DNAJB13: variants seen among roughly 807,000 people sequenced by gnomAD.
The protein encoded by DNAJB13 is dnaJ homolog subfamily B member 13.
Under a neutral mutation model 35.6 loss-of-function variants are expected in DNAJB13, and 22 were observed. The ratio of observed to expected loss-of-function variants is 0.62; its 90% CI spans 0.44 to 0.88. DNAJB13 has a LOEUF of 0.88. DNAJB13 is among the 40% of genes least tolerant of loss of function. DNAJB13 has a pLI of 0.00. For missense variants in DNAJB13, 370 were observed against 384.3 expected (o/e 0.96, Z 0.31); for synonymous variants, 136 against 144.2 (o/e 0.94, Z 0.41).
chr11:73,966,267 G>A lies in DNAJB13; in HGVS notation c.606+16G>A, dbSNP rs750170319. On this transcript the variant is annotated intron_variant, in intron 5 of 7. Coordinates refer to ENST00000339764, the MANE Select transcript of DNAJB13 (RefSeq NM_153614.4). The stretch of plus-strand genomic sequence containing the variant: ...AGGGGACCAGGTGAGGGGGGAAGAA[G>A]CTGACTCAGGTCAGTCACTGAGCTC... The A allele has an allele frequency of 1.4e-5, 22 of 1,605,180 alleles. No individual in the cohort carries two copies. Among genetic ancestry groups the A allele is most frequent in the Non-Finnish European group, 1.4e-5 (17 of 1,175,230 alleles).
In DNAJB13 at chr11:73,965,138, G is replaced by A. The variant is rs1951072642; in HGVS notation, c.492+103G>A. The A allele has an allele frequency of 4.8e-6, 6 of 1,256,308 alleles. 2 individuals are homozygous for A. The South Asian group carries it at 9.1e-5, about 19-fold the overall frequency. 77.8% of individuals were successfully genotyped at this position (1,256,308 alleles called of 1,614,324 possible). A position where few individuals can be genotyped will look rare whatever the true frequency, so the allele number is the denominator to read the frequency against. On this transcript the variant is annotated intron_variant, in intron 4 of 7. Transcript: ENST00000339764. ...GGAGGACTCAGGGATGGTCTCTGAT[G>A]GAATTATGGAACCTTAGATTCAGAG...
At chr11:73,962,582 G>A (rs1248566491) in intron 3 of DNAJB13, among the ~76,000 whole-genome samples, 1 of 152,130 alleles carries the variant, frequency 6.6e-6, no homozygotes, top group African/African-American at 2.4e-5. Flanking sequence ...ATCTTGCAAA[G>A]GCAGTGAAAA....
At position 73,964,955 on chromosome 11, in the gene DNAJB13, C is replaced by T; in HGVS notation, c.412C>T (p.Pro138Ser). Residue 138 changes from proline (P) to serine (S), a missense_variant, in exon 4 of 8, where the codon CCC becomes TCC. By Grantham distance (74) the Pro-to-Ser change is moderately conservative. Coordinates refer to ENST00000339764, the MANE Select transcript of DNAJB13 (RefSeq NM_153614.4). ...GGGCCGAGGGGTCAAGAAGCAGGAC[C>T]CCCAAGTCGAACGGGATCTCTACCT... The part of the protein sequence containing the change: ...LQGRGVKKQD[P>S]QVERDLYLSL... 6.2e-7 allele frequency: 1 copy of T among 1,613,014 alleles called. No individual in the cohort carries two copies. Among genetic ancestry groups the T allele is most frequent in the Non-Finnish European group, 8.5e-7 (1 of 1,179,824 alleles).
chr11:73,968,274 G>A, intron 5 of DNAJB13, 71 bp from the exon 6 acceptor site: 3 of 1,305,538 alleles, frequency 2.3e-6, no homozygotes, highest in South Asian at 2.4e-5. Context: ...ATGGAGACAA[G>A]TAGAGGCAGG....
intron 3 of DNAJB13, 67 bp from the exon 4 acceptor site, chr11:73,964,811 G>GCGCGCGCGCC (rs1951044146): frequency 7.5e-7 from 1 of 1,324,834 alleles, no homozygotes; most frequent in African/African-American, 1.9e-5. Context: ...GTGTGTGTGT[G>GCGCGCGCGCC]TGCGCGCGCG....
At position 73,960,962 on chromosome 11, in the gene DNAJB13, A is replaced by G. The variant is rs190112413; in HGVS notation, c.334+1307A>G. Among the ~76,000 whole-genome samples the G allele has an allele frequency of 4.6e-5, 7 of 152,326 alleles. No homozygotes were observed. The East Asian group carries it at 9.6e-4, about 21-fold the overall frequency. On this transcript the variant is annotated intron_variant, in intron 3 of 7. Transcript: ENST00000339764. ...ACTGTTTTAGCCACGTGAAGCAGAA[A>G]GGGGTTCAAAACAGGGAATTAGGTG...
chr11:73,960,558 G>T (rs541373752), intron 3 of DNAJB13, among the ~76,000 whole-genome samples: 18 of 151,268 alleles, frequency 1.2e-4, no homozygotes, highest in African/African-American at 3.9e-4. Flanking sequence ...CTGACCTCAG[G>T]TGATCTGCCC....
chr11:73,959,746 C>CTTTATTAT, intron 3 of DNAJB13, 91 bp downstream of exon 3: 1 of 1,241,432 alleles, frequency 8.1e-7, no homozygotes, highest in Non-Finnish European at 1.1e-6. Context: ...TTTATTTTTA[C>CTTTATTAT]TTTATTATTT....
In DNAJB13 at chr11:73,969,949, A is replaced by G; in HGVS notation, c.798-12A>G. On this transcript the variant is annotated splice_polypyrimidine_tract_variant and intron_variant, in intron 7 of 7. Coordinates refer to ENST00000339764, the MANE Select transcript of DNAJB13 (RefSeq NM_153614.4). The stretch of plus-strand genomic sequence containing the variant: ...GATGCCCTCTATGCTCCTTTCTTTC[A>G]TCCTATTTCAGCCCCAAATACTTCA... The G allele has an allele frequency of 6.2e-7, 1 of 1,602,636 alleles. No individual in the cohort carries two copies. Among genetic ancestry groups the G allele is most frequent in the Non-Finnish European group, 8.5e-7 (1 of 1,173,880 alleles).
At chr11:73,969,192 A>T in intron 6 of DNAJB13, 54 bp from the exon 7 acceptor site, 2 of 761,730 alleles carry the variant, frequency 2.6e-6, no homozygotes. Flanking sequence ...CCTTCTAAAT[A>T]GGAGAGCCAT....
rs777289652 is a variant in DNAJB13 at position 73,959,542 on chromosome 11, G to C, written c.221G>C (p.Gly74Ala). ...AAGTTTGGAGAAGAGGGCCTGAAGG[G>C]TGGGATTCCTTTGGAGTTTGGATCC... Reference protein sequence around the residue: ...YDKFGEEGLKGGIPLEFGSQT... With the variant: ...YDKFGEEGLKAGIPLEFGSQT... The change falls in exon 3 of 8, where the codon GGT becomes GCT. Residue 74 changes from glycine (G) to alanine (A), a missense_variant. Transcript: ENST00000339764. 2 of 1,614,124 alleles carry C rather than the reference G, an allele frequency of 1.2e-6. No individual in the cohort carries two copies. The highest frequency in any genetic ancestry group is 3.3e-5 in the Admixed American group (2 of 60,026).
chr11:73,953,477 A>G (rs2135273080), intron 1 of DNAJB13, among the ~76,000 whole-genome samples: 1 of 152,304 alleles, frequency 6.6e-6, no homozygotes, highest in Admixed American at 6.5e-5. Flanking sequence ...TCACAACACT[A>G]AAGATTTCAC....
At chr11:73,958,988 C>G (rs1950844050) in intron 2 of DNAJB13, among the ~76,000 whole-genome samples, 1 of 152,370 alleles carries the variant, frequency 6.6e-6, no homozygotes, top group East Asian at 1.9e-4. Context: ...GGAGACTAAT[C>G]CTGGTTCCTG....
In DNAJB13 at chr11:73,962,467, G is replaced by A. The variant is rs139647529; in HGVS notation, c.335-2411G>A. Among the ~76,000 whole-genome samples the A allele has an allele frequency of 4.7e-5, 7 of 148,156 alleles. No homozygotes were observed. The South Asian group carries it at 6.2e-4, about 13-fold the overall frequency. ...TAAATGAATGGATGGCTGGGTAGGC[G>A]GATGGATGGCTGGGTAGGCGGAAGG... On this transcript the variant is annotated intron_variant, in intron 3 of 7. Coordinates refer to ENST00000339764, the MANE Select transcript of DNAJB13 (RefSeq NM_153614.4).
chr11:73,956,803 C>CAA (rs1163341948), intron 1 of DNAJB13, among the ~76,000 whole-genome samples: 1,393 of 75,798 alleles, frequency 0.018, 32 homozygotes, highest in Middle Eastern at 0.053. Flanking sequence ...AACTCCATCT[C>CAA]AAAAAAAAAA....
At chr11:73,964,814 C>CGT (rs1951048997) in intron 3 of DNAJB13, 64 bp from the exon 4 acceptor site, 2 of 1,092,218 alleles carry the variant, frequency 1.8e-6, no homozygotes, top group Non-Finnish European at 2.5e-6. Context: ...TGTGTGTGTG[C>CGT]GCGCGCGCGC....
At chr11:73,959,707 A>G (rs1191930005) in intron 3 of DNAJB13, 52 bp downstream of exon 3, 1 of 1,465,594 alleles carries the variant, frequency 6.8e-7, no homozygotes, top group Non-Finnish European at 9.1e-7. Flanking sequence ...ACACTGCTAT[A>G]AGTGATGTTT....
chr11:73,951,164 A>AG lies in DNAJB13; in HGVS notation c.68+31dup, dbSNP rs1268605477. The AG allele has an allele frequency of 4.3e-6, 7 of 1,613,524 alleles. No individual in the cohort carries two copies. The African/African-American group carries it at 9.3e-5, about 22-fold the overall frequency. On this transcript the variant is annotated intron_variant, in intron 1 of 7. Coordinates refer to ENST00000339764, the MANE Select transcript of DNAJB13 (RefSeq NM_153614.4). Reference sequence around the variant, plus strand: ...TAAGTTGGGGTGGGAGCCAGGCCTTAGGGGTGTGCTGGGGCAGGCCCTGCC... The same window carrying AG: ...TAAGTTGGGGTGGGAGCCAGGCCTTAGGGGGTGTGCTGGGGCAGGCCCTGCC...
At chr11:73,956,171 G>C (rs750325023) in intron 1 of DNAJB13, among the ~76,000 whole-genome samples, 1 of 152,198 alleles carries the variant, frequency 6.6e-6, no homozygotes, top group Non-Finnish European at 1.5e-5. Flanking sequence ...TATACACCTG[G>C]AACACAGCAC....
Sources: allele counts gnomAD v4.1 joint callset (sites outside exome capture counted in the v4.1 genomes callset), GRCh38; gene constraint gnomAD v4.1.1; transcripts MANE v1.5; gene names NCBI Gene and HGNC (gene_info 2026-07-23, HGNC 2026-07-21).